DGKG: variants seen among roughly 807,000 people sequenced by gnomAD.
The protein encoded by DGKG is diacylglycerol kinase gamma.
A neutral mutation model predicts 105.3 loss-of-function variants in DGKG; 78 were observed. The observed-to-expected ratio is 0.74, with a 90% confidence interval of 0.62 to 0.89. DGKG has a LOEUF of 0.89. DGKG is among the 40% of genes least tolerant of loss of function. The pLI is 0.00. For synonymous variants in DGKG, 346 were observed against 367.1 expected (o/e 0.94, Z 0.66); for missense variants, 958 against 1,020.1 (o/e 0.94, Z 0.83).
At chr3:186,242,438 T>G (rs1578713894) in intron 20 of DGKG, 66 bp downstream of exon 20, 7 of 1,391,258 alleles carry the variant, frequency 5.0e-6, no homozygotes, top group African/African-American at 4.3e-5. Context: ...AGAGAGCAGG[T>G]GAAAGGCCTC....
chr3:186,242,537 A>T lies in DGKG; in HGVS notation c.1793T>A (p.Met598Lys). 6.2e-7 allele frequency: 1 copy of T among 1,613,772 alleles called. No individual in the cohort carries two copies. Among genetic ancestry groups the T allele is most frequent in the Non-Finnish European group, 8.5e-7 (1 of 1,179,798 alleles). Residue 598 changes from methionine to lysine, a missense_variant, in exon 20 of 25, where the codon ATG becomes AAG. Met to Lys is a moderately conservative substitution (Grantham distance 95). This residue lies in a region of DGKG where 315 missense variants were observed against 400.6 expected (regional missense o/e 0.79). Coordinates refer to ENST00000265022, the MANE Select transcript of DGKG (RefSeq NM_001346.3). ...GAATTTTTCAGGATGTTTCTCTCTC[A>T]TCACATGGAATCTGTGTGCAATGGA... ...DASIAHRFHV[M>K]REKHPEKFNS...
chr3:186,349,134 C>T (rs562229575), intron 1 of DGKG, among the ~76,000 whole-genome samples: 2 of 152,072 alleles, frequency 1.3e-5, no homozygotes, highest in South Asian at 4.2e-4. Flanking sequence ...TGCCATGTCA[C>T]GATCTTGGCT....
At chr3:186,150,370 C>T (rs1350048598) in intron 24 of DGKG, among the ~76,000 whole-genome samples, 182 bp from the exon 25 acceptor site, 2 of 152,184 alleles carry the variant, frequency 1.3e-5, no homozygotes, top group South Asian at 4.2e-4. Context: ...GAGTTTGGCA[C>T]GGCTGGAAGT....
intron 2 of DGKG, among the ~76,000 whole-genome samples, chr3:186,315,976 A>T (rs3819845): frequency 6.6e-6 from 1 of 152,076 alleles, no homozygotes; most frequent in Non-Finnish European, 1.5e-5. Context: ...CCCTGAGCTG[A>T]CATGTTAGAT....
rs558319046 is a variant in DGKG, at chr3:186,208,344, G to A, written c.1917+3451C>T. 3.3e-5 allele frequency among the ~76,000 whole-genome samples: 5 copies of A among 151,620 alleles called. No individual in the cohort carries two copies. In the South Asian group the frequency reaches 6.3e-4, roughly 19 times the overall value. ...AGCGTGAGCCACCGCGCCTCGCCAC[G>A]CGAATGGCTTTTAATGGAAACCTTC... On this transcript the variant is annotated intron_variant, in intron 21 of 24. Coordinates refer to ENST00000265022, the MANE Select transcript of DGKG (RefSeq NM_001346.3).
rs1029963534 is a variant in DGKG, at chr3:186,325,054, T to A, written c.-248-4347A>T. On this transcript the variant is annotated intron_variant, in intron 1 of 24. Coordinates refer to ENST00000265022, the MANE Select transcript of DGKG (RefSeq NM_001346.3). ...TAAAAAAGAATGAAATCATGTCCTT[T>A]GCAGCAACATGGATGCAGCTTGAGG... 2.6e-5 allele frequency among the ~76,000 whole-genome samples: 4 copies of A among 152,220 alleles called. No homozygotes were observed. In the East Asian group the frequency reaches 5.8e-4, roughly 22 times the overall value.
intron 20 of DGKG, among the ~76,000 whole-genome samples, chr3:186,215,637 C>T (rs571769011): frequency 9.9e-5 from 15 of 152,022 alleles, no homozygotes; most frequent in African/African-American, 3.6e-4. Flanking sequence ...AGGGCCTGGA[C>T]AAGGGTCATG....
At chr3:186,295,946 A>G (rs766079484) in intron 5 of DGKG, among the ~76,000 whole-genome samples, 18 of 152,092 alleles carry the variant, frequency 1.2e-4, no homozygotes, top group Non-Finnish European at 1.9e-4. Flanking sequence ...GTCTGTACTA[A>G]AAAAGTACAA....
chr3:186,197,467 A>G (rs1718237087), intron 21 of DGKG, among the ~76,000 whole-genome samples: 1 of 152,094 alleles, frequency 6.6e-6, no homozygotes, highest in Admixed American at 6.5e-5. Context: ...ACTGGCAGGA[A>G]ATAGGGAAAG....
At chr3:186,181,807 G>T (rs1354252894) in intron 22 of DGKG, among the ~76,000 whole-genome samples, 2 of 152,228 alleles carry the variant, frequency 1.3e-5, no homozygotes, top group Admixed American at 6.5e-5. Context: ...AAATCACTGA[G>T]AGGAAAGTTG....
At chr3:186,353,691 T>TATC (rs1416075381) in intron 1 of DGKG, among the ~76,000 whole-genome samples, 1 of 123,064 alleles carries the variant, frequency 8.1e-6, no homozygotes, top group African/African-American at 3.0e-5. Context: ...TCTATATCTA[T>TATC]ATCTATATCT....
At chr3:186,172,310 C>T (rs3774054) in intron 22 of DGKG, among the ~76,000 whole-genome samples, 100,972 of 152,052 alleles carry the variant, frequency 0.66, 34,877 homozygotes, top group East Asian at 0.92. Context: ...ACCCCCACTC[C>T]ACTTCCCCTT....
chr3:186,200,288 T>A (rs891545456), intron 21 of DGKG, among the ~76,000 whole-genome samples: 3 of 152,118 alleles, frequency 2.0e-5, no homozygotes, highest in African/African-American at 4.8e-5. Context: ...GCCCAGTGGA[T>A]GAAGACTTCA....
At chr3:186,186,096 C>CA (rs3049465) in intron 22 of DGKG, among the ~76,000 whole-genome samples, 22,288 of 75,246 alleles carry the variant, frequency 0.3, 4,806 homozygotes, top group African/African-American at 0.56. Context: ...GACTCTGCCT[C>CA]AAAAAAAAAA....
At chr3:186,209,098 T>C (rs1718899634) in intron 21 of DGKG, among the ~76,000 whole-genome samples, 1 of 145,316 alleles carries the variant, frequency 6.9e-6, no homozygotes, top group Non-Finnish European at 1.5e-5. Flanking sequence ...CTCTTCTTTT[T>C]TTTTTTTTTT....
At chr3:186,152,367 C>G (rs1178111221) in intron 24 of DGKG, among the ~76,000 whole-genome samples, 1 of 152,112 alleles carries the variant, frequency 6.6e-6, no homozygotes, top group South Asian at 2.1e-4. Flanking sequence ...ACTGGAGACT[C>G]GGACAGCACT....
At position 186,148,161 on chromosome 3, in the gene DGKG, A is replaced by G. The variant is rs2108463204; in HGVS notation, c.*1929T>C. The G allele has an allele frequency of 1.0e-6, 1 of 985,514 alleles. No homozygotes were observed. The allele number at this position is 985,514 out of a possible 1,614,324, so 61.0% of individuals were successfully genotyped here. A position where few individuals can be genotyped will look rare whatever the true frequency, so the allele number is the denominator to read the frequency against. ...GGATGGAGGCCCAATGAAGCTCTGC[A>G]TGGCCTTGCCCTTGGGAAAGGATGG... On this transcript the variant is annotated 3_prime_UTR_variant, in exon 25 of 25. Coordinates refer to ENST00000265022, the MANE Select transcript of DGKG (RefSeq NM_001346.3).
intron 2 of DGKG, among the ~76,000 whole-genome samples, chr3:186,316,741 A>G (rs1378975751): frequency 6.6e-6 from 1 of 152,206 alleles, no homozygotes; most frequent in African/African-American, 2.4e-5. Context: ...AATGGAAAAC[A>G]ACAAGAGCCT....
At chr3:186,246,129 G>A (rs1366314152) in intron 19 of DGKG, among the ~76,000 whole-genome samples, 2 of 151,964 alleles carry the variant, frequency 1.3e-5, no homozygotes, top group African/African-American at 4.8e-5. Flanking sequence ...CTGCCACCAC[G>A]TCTGGCTAAT....
Sources: gnomAD v4.1 joint callset for allele counts (sites outside exome capture counted in the v4.1 genomes callset) on GRCh38, gnomAD v4.1.1 for gene constraint, gnomAD v4.1.1 regional missense constraint, MANE v1.5 for transcripts, NCBI Gene and HGNC (gene_info 2026-07-23, HGNC 2026-07-21) for gene names.